The following SCFD2 variants were observed in gnomAD, a reference collection of about 807,000 sequenced individuals.
SCFD2 encodes sec1 family domain containing 2.
In SCFD2, 54 loss-of-function variants were observed where a neutral mutation model predicts 58.9. The observed-to-expected ratio is 0.92, with a 90% confidence interval of 0.74 to 1.15. The LOEUF (loss-of-function observed/expected upper bound fraction) is 1.15, where lower values mean the gene tolerates loss of function less well. Ranked by LOEUF, SCFD2 falls within the 50% of genes most tolerant of loss-of-function variation. The probability of loss-of-function intolerance (pLI) is 0.00; values close to 1 mark genes in which losing one functional copy is unlikely to be tolerated. For synonymous variants in SCFD2, 321 were observed against 335.9 expected (o/e 0.96, Z 0.49); for missense variants, 805 against 836.6 (o/e 0.96, Z 0.47).
At chr4:53,074,376 C>A (rs1577706031) in intron 5 of SCFD2, among the ~76,000 whole-genome samples, 1 of 152,104 alleles carries the variant, frequency 6.6e-6, no homozygotes, top group African/African-American at 2.4e-5. Context: ...TCAAAGTTAT[C>A]GATGAGGCTT....
intron 2 of SCFD2, among the ~76,000 whole-genome samples, chr4:53,333,175 A>C (rs1398098720): frequency 7.3e-6 from 1 of 137,890 alleles, no homozygotes; most frequent in African/African-American, 2.7e-5. Flanking sequence ...CATACTGCCC[A>C]AGGTAATTTA....
At chr4:52,884,432 TC>T (rs11322100) in intron 8 of SCFD2, among the ~76,000 whole-genome samples, 36,445 of 151,754 alleles carry the variant, frequency 0.24, 4,430 homozygotes, top group East Asian at 0.27. Context: ...AGGGAAGACA[TC>T]CCCAGGCTCT....
chr4:53,283,888 T>C (rs969720408), intron 3 of SCFD2, among the ~76,000 whole-genome samples: 9 of 151,816 alleles, frequency 5.9e-5, no homozygotes, highest in Admixed American at 6.6e-5. Flanking sequence ...GAGGCCGAGG[T>C]GGGCGGATCA....
intron 4 of SCFD2, among the ~76,000 whole-genome samples, chr4:53,238,300 T>TG (rs60080819): frequency 0.99 from 93,878 of 95,084 alleles, 46,374 homozygotes; most frequent in Middle Eastern, 1. Flanking sequence ...GCTGGCCGGG[T>TG]GGGGGCTGAC....
intron 3 of SCFD2, among the ~76,000 whole-genome samples, chr4:53,295,752 A>T (rs1732006596): frequency 6.6e-6 from 1 of 151,846 alleles, no homozygotes; most frequent in South Asian, 2.1e-4. Flanking sequence ...TTGCCCATTC[A>T]TTATGATATT....
At chr4:53,119,083 C>T (rs1005777414) in intron 5 of SCFD2, among the ~76,000 whole-genome samples, 5 of 151,998 alleles carry the variant, frequency 3.3e-5, no homozygotes, top group Admixed American at 6.6e-5. Flanking sequence ...ATTGGGAAGC[C>T]GAGGTGGGTA....
chr4:52,966,131 G>C (rs916617960), intron 5 of SCFD2, among the ~76,000 whole-genome samples: 14 of 152,150 alleles, frequency 9.2e-5, no homozygotes, highest in African/African-American at 3.4e-4. Flanking sequence ...GACACACCAG[G>C]CCATCTGGTG....
At chr4:53,279,737 G>C (rs1164977128) in intron 3 of SCFD2, among the ~76,000 whole-genome samples, 1 of 152,204 alleles carries the variant, frequency 6.6e-6, no homozygotes, top group Non-Finnish European at 1.5e-5. Context: ...TGGCCTCACA[G>C]TTCTGCATGA....
intron 5 of SCFD2, among the ~76,000 whole-genome samples, chr4:53,056,526 CTAACTT>C (rs1723344699): frequency 6.6e-6 from 1 of 152,072 alleles, no homozygotes; most frequent in Non-Finnish European, 1.5e-5. Flanking sequence ...ATTTATATAT[CTAACTT>C]TTTTTTTTCC....
At chr4:53,292,936 A>C (rs1731892575) in intron 3 of SCFD2, among the ~76,000 whole-genome samples, 1 of 152,144 alleles carries the variant, frequency 6.6e-6, no homozygotes, top group Admixed American at 6.6e-5. Flanking sequence ...CTTAAAACCT[A>C]GAAGACAAAT....
intron 5 of SCFD2, among the ~76,000 whole-genome samples, chr4:52,962,486 G>A (rs540238924): frequency 6.6e-6 from 1 of 152,298 alleles, no homozygotes; most frequent in Admixed American, 6.5e-5. Flanking sequence ...AATGTCGTCT[G>A]TAGGTTGTAG....
At position 52,908,364 on chromosome 4, in the gene SCFD2, C is replaced by T. The variant is rs140449962; in HGVS notation, c.1708-773G>A. The stretch of plus-strand genomic sequence containing the variant: ...CCACCTCTTTCCTTAGTTCTTGCTG[C>T]CAAGTTCTTCCCGTTTTCTTTTCTC... On this transcript the variant is annotated intron_variant, in intron 6 of 8. Transcript: ENST00000401642. Among the ~76,000 whole-genome samples, 221 of 152,272 alleles carry T rather than the reference C, an allele frequency of 1.5e-3. 1 individual carries two copies. The highest frequency in any genetic ancestry group is 5.2e-3 in the African/African-American group (214 of 41,546).
chr4:53,199,506 C>T (rs1255137393), intron 4 of SCFD2, among the ~76,000 whole-genome samples: 1 of 152,084 alleles, frequency 6.6e-6, no homozygotes, highest in Admixed American at 6.6e-5. Flanking sequence ...ATAACTAGCT[C>T]TTTTTGATTC....
At chr4:53,109,077 A>C (rs1409008904) in intron 5 of SCFD2, among the ~76,000 whole-genome samples, 1 of 152,218 alleles carries the variant, frequency 6.6e-6, no homozygotes, top group Non-Finnish European at 1.5e-5. Flanking sequence ...CAAATCAACA[A>C]ATGTAATCCA....
intron 4 of SCFD2, among the ~76,000 whole-genome samples, chr4:53,179,124 C>T (rs1727450452): frequency 1.3e-5 from 2 of 152,144 alleles, no homozygotes; most frequent in Non-Finnish European, 2.9e-5. Context: ...GGCGGGCCAA[C>T]ATTCAAATTC....
At chr4:53,318,492 T>C (rs1487320075) in intron 2 of SCFD2, among the ~76,000 whole-genome samples, 1 of 152,128 alleles carries the variant, frequency 6.6e-6, no homozygotes, top group African/African-American at 2.4e-5. Context: ...CCTAACCCAA[T>C]ACAGACAGAT....
chr4:52,895,974 T>C (rs866135334), intron 7 of SCFD2, among the ~76,000 whole-genome samples: 53 of 152,324 alleles, frequency 3.5e-4, no homozygotes, highest in Middle Eastern at 6.8e-3. Flanking sequence ...TGAGAAGTGT[T>C]TGTTCATATG....
intron 4 of SCFD2, among the ~76,000 whole-genome samples, chr4:53,181,589 C>T (rs186152352): frequency 1.3e-5 from 2 of 152,264 alleles, no homozygotes; most frequent in African/African-American, 2.4e-5. Context: ...CCTTTGAAAA[C>T]GGGTACAAGA....
At chr4:53,284,169 T>G (rs1731593794) in intron 3 of SCFD2, among the ~76,000 whole-genome samples, 1 of 150,308 alleles carries the variant, frequency 6.7e-6, no homozygotes, top group East Asian at 2.0e-4. Flanking sequence ...CATAATGTAA[T>G]GTATGATTGA....
Sources: gnomAD v4.1 joint callset for allele counts (sites outside exome capture counted in the v4.1 genomes callset) on GRCh38, gnomAD v4.1.1 for gene constraint, MANE v1.5 for transcripts, NCBI Gene and HGNC (gene_info 2026-07-23, HGNC 2026-07-21) for gene names.